CDS1: variants seen among roughly 807,000 people sequenced by gnomAD.
The protein encoded by CDS1 is CDP-diacylglycerol synthase 1.
CDS1 carries 41 observed loss-of-function variants against 62.1 expected under a neutral mutation model. The ratio of observed to expected loss-of-function variants is 0.66; its 90% confidence interval spans 0.51 to 0.86. The LOEUF (loss-of-function observed/expected upper bound fraction) is 0.86, where lower values mean the gene tolerates loss of function less well. CDS1 is among the 40% of genes least tolerant of loss of function. The pLI is 0.00. For synonymous variants in CDS1, 185 were observed against 192.6 expected, an observed-to-expected ratio of 0.96 and a Z score of 0.32; for missense variants, 470 against 550.1, an observed-to-expected ratio of 0.85 and a Z score of 1.46.
chr4:84,618,804 A>G (rs1036684953), intron 4 of CDS1, among the ~76,000 whole-genome samples: 1 of 152,090 alleles, frequency 6.6e-6, no homozygotes, highest in African/African-American at 2.4e-5. Context: ...CAGTGGGGAG[A>G]CAGGTTGAAT....
At position 84,609,545 on chromosome 4, in the gene CDS1, C is replaced by T. The variant is rs1723250810; in HGVS notation, c.342+20C>T. 2 of 1,287,632 alleles carry T rather than the reference C, an allele frequency of 1.6e-6. No individual in the cohort carries two copies. The highest frequency in any genetic ancestry group is 2.3e-6 in the Non-Finnish European group (2 of 886,416). 79.8% of individuals were successfully genotyped at this position (1,287,632 alleles called of 1,614,324 possible). On this transcript the variant is annotated intron_variant, in intron 3 of 12. Coordinates refer to ENST00000295887, the MANE Select transcript of CDS1 (RefSeq NM_001263.4). ...CTTCTTGTAAGTTTTTGACTTTTCC[C>T]TGAGTGTCTCTTGCTTTGTTTTTCA...
chr4:84,609,483 T>A lies in CDS1; in HGVS notation c.300T>A (p.Phe100Leu). The change falls in exon 3 of 13, where the codon TTT becomes TTA. Residue 100 changes from phenylalanine (F) to leucine (L), a missense_variant. This residue lies in a region of CDS1 where 150 missense variants were observed against 142.0 expected (regional missense o/e 1.06). Coordinates refer to ENST00000295887, the MANE Select transcript of CDS1 (RefSeq NM_001263.4). ...TCACTCTAACTATGATCTCGTTGTTTTTCCTGATCATCTATATGGGATCCT... is the reference window on the plus strand; with the variant it reads ...TCACTCTAACTATGATCTCGTTGTTATTCCTGATCATCTATATGGGATCCT... The part of the protein sequence containing the change: ...GILTLTMISL[F>L]FLIIYMGSFM... 1 of 1,611,666 alleles carries A rather than the reference T, an allele frequency of 6.2e-7. No homozygotes were observed. Among genetic ancestry groups the A allele is most frequent in the Non-Finnish European group, 8.5e-7 (1 of 1,177,972 alleles).
chr4:84,645,253 G>A lies in CDS1; in HGVS notation c.1184G>A (p.Gly395Glu). ...GCAAATACCATTCCTGGACATGGTGGGATAATGGACAGATTTGATTGTCAG... is the reference window on the plus strand; with the variant it reads ...GCAAATACCATTCCTGGACATGGTGAGATAATGGACAGATTTGATTGTCAG... ...DFANTIPGHG[G>E]IMDRFDCQYL... Residue 395 changes from glycine (G) to glutamate (E), a missense_variant, in exon 12 of 13, where the codon GGG (glycine) becomes GAG (glutamate). By Grantham distance (98) the Gly-to-Glu change is moderately conservative. This residue lies in a region of CDS1 where 68 missense variants were observed against 81.5 expected (regional missense o/e 0.83). Transcript: ENST00000295887. 1 of 1,612,510 alleles carries A rather than the reference G, an allele frequency of 6.2e-7. No homozygotes were observed.
chr4:84,583,395 G>A lies in CDS1; in HGVS notation c.-7G>A, dbSNP rs766411494. The A allele has an allele frequency of 1.9e-6, 3 of 1,594,914 alleles. No individual in the cohort carries two copies. Among genetic ancestry groups the A allele is most frequent in the Admixed American group, 3.4e-5 (2 of 59,598 alleles). ...AGGAGGCCGCCACGGCAGCGCGGGA[G>A]CGGAAGATGTTGGAGCTGAGGCACC... On this transcript the variant is annotated 5_prime_UTR_variant, in exon 1 of 13. Coordinates refer to ENST00000295887, the MANE Select transcript of CDS1 (RefSeq NM_001263.4).
chr4:84,624,932 C>G (rs549894035), intron 5 of CDS1, among the ~76,000 whole-genome samples: 1 of 152,144 alleles, frequency 6.6e-6, no homozygotes, highest in East Asian at 1.9e-4. Context: ...GCGATCTCGG[C>G]TCATGGCAAC....
At chr4:84,612,573 C>T (rs539515035) in intron 3 of CDS1, among the ~76,000 whole-genome samples, 1 of 152,162 alleles carries the variant, frequency 6.6e-6, no homozygotes, top group South Asian at 2.1e-4. Flanking sequence ...TTTAAGAGAA[C>T]CATAAGTGTG....
At chr4:84,607,921 G>A (rs1001194831) in intron 2 of CDS1, among the ~76,000 whole-genome samples, 1 of 152,156 alleles carries the variant, frequency 6.6e-6, no homozygotes, top group Non-Finnish European at 1.5e-5. Context: ...TTGTATATAG[G>A]AGCATTCAGA....
At chr4:84,638,420 G>A (rs1052224106) in intron 8 of CDS1, among the ~76,000 whole-genome samples, 3 of 152,166 alleles carry the variant, frequency 2.0e-5, no homozygotes, top group Non-Finnish European at 4.4e-5. Context: ...AAGTCTGTGT[G>A]TATATAGCAT....
At chr4:84,604,470 C>A in intron 2 of CDS1, 100 bp downstream of exon 2, 2 of 1,209,404 alleles carry the variant, frequency 1.7e-6, no homozygotes, top group Middle Eastern at 2.4e-4. Flanking sequence ...GTTTTCCAGC[C>A]ATGGTATTAG....
chr4:84,624,275 A>T (rs1723785406), intron 5 of CDS1, among the ~76,000 whole-genome samples: 1 of 133,744 alleles, frequency 7.5e-6, no homozygotes, highest in South Asian at 2.6e-4. Flanking sequence ...CTCTGTCTCA[A>T]AAAAAAAAAA....
intron 1 of CDS1, among the ~76,000 whole-genome samples, chr4:84,598,126 CAAAAAAAA>C (rs879924741): frequency 3.6e-5 from 3 of 82,992 alleles, no homozygotes; most frequent in Non-Finnish European, 7.9e-5. Flanking sequence ...ACTCCATCTC[CAAAAAAAA>C]AAAAAAAGAA....
chr4:84,620,396 G>A (rs1442451796), intron 5 of CDS1, among the ~76,000 whole-genome samples: 1 of 151,228 alleles, frequency 6.6e-6, no homozygotes, highest in Non-Finnish European at 1.5e-5. Flanking sequence ...CTAATTTTTT[G>A]TATTTTTAGT....
At chr4:84,646,545 T>C (rs1197115975) in intron 12 of CDS1, among the ~76,000 whole-genome samples, 1 of 152,218 alleles carries the variant, frequency 6.6e-6, no homozygotes, top group Admixed American at 6.5e-5. Context: ...TATATCTTCT[T>C]TAACACATGG....
intron 8 of CDS1, among the ~76,000 whole-genome samples, chr4:84,638,045 A>G (rs1724267701): frequency 6.6e-6 from 1 of 152,186 alleles, no homozygotes; most frequent in South Asian, 2.1e-4. Context: ...ACCCATTTTA[A>G]TACTTCAGAG....
chr4:84,642,957 A>G, intron 10 of CDS1, 67 bp from the exon 11 acceptor site: 1 of 1,450,786 alleles, frequency 6.9e-7, no homozygotes, highest in Non-Finnish European at 9.5e-7. Flanking sequence ...TTCTTAGATC[A>G]GGTGGTATGC....
intron 2 of CDS1, among the ~76,000 whole-genome samples, chr4:84,606,656 A>T (rs1560469245): frequency 6.6e-6 from 1 of 152,076 alleles, no homozygotes. Flanking sequence ...CTAAAAGGGA[A>T]ATCCCTTGGT....
chr4:84,640,991 G>A lies in CDS1; in HGVS notation c.1032+1G>A. On this transcript the variant is annotated splice_donor_variant, in intron 10 of 12. Coordinates refer to ENST00000295887, the MANE Select transcript of CDS1 (RefSeq NM_001263.4). LOFTEE classifies it high-confidence loss of function. The stretch of plus-strand genomic sequence containing the variant: ...CTTTCTAAAGGCAGTCTTGAGACAG[G>A]TACAGTAAAAGTTCAAGATAAACAT... The A allele has an allele frequency of 6.4e-7, 1 of 1,553,172 alleles. No individual in the cohort carries two copies. The highest frequency in any genetic ancestry group is 8.7e-7 in the Non-Finnish European group (1 of 1,151,194).
At chr4:84,643,543 C>G (rs1201687355) in intron 11 of CDS1, among the ~76,000 whole-genome samples, 2 of 152,150 alleles carry the variant, frequency 1.3e-5, no homozygotes, top group Non-Finnish European at 2.9e-5. Context: ...TCTGCTAAGT[C>G]AGGTGTCATC....
intron 1 of CDS1, among the ~76,000 whole-genome samples, chr4:84,601,172 C>CAAAAAAAAAAAAAAA (rs59688950): frequency 2.3e-5 from 2 of 88,282 alleles, no homozygotes; most frequent in Non-Finnish European, 4.3e-5. Flanking sequence ...GACCCTGTCT[C>CAAAAAAAAAAAAAAA]AAAAAAAAAA....
Sources: allele counts gnomAD v4.1 joint callset (sites outside exome capture counted in the v4.1 genomes callset), GRCh38; gene constraint gnomAD v4.1.1; regional missense constraint gnomAD v4.1.1; transcripts MANE v1.5; gene names NCBI Gene and HGNC (gene_info 2026-07-23, HGNC 2026-07-21).